The following PDE4D variants were observed in gnomAD, a reference collection of about 807,000 sequenced individuals.
PDE4D encodes the protein phosphodiesterase 4D, also known as 3',5'-cyclic-AMP phosphodiesterase 4D.
Under a neutral mutation model 87.4 loss-of-function variants are expected in PDE4D, and 24 were observed. The observed-to-expected ratio is 0.27, with a 90% CI of 0.20 to 0.39. The LOEUF is 0.39. Ranked by LOEUF, PDE4D falls within the 10% of genes least tolerant of loss-of-function variation. The pLI is 1.00. For missense variants in PDE4D, 714 were observed against 1,041.0 expected, an observed-to-expected ratio of 0.69 and a Z score of 4.32; for synonymous variants, 384 against 383.2, an observed-to-expected ratio of 1.00 and a Z score of -0.02.
chr5:60,520,767 C>T (rs909923418), intron 1 of PDE4D, among the ~76,000 whole-genome samples: 2 of 152,186 alleles, frequency 1.3e-5, no homozygotes, highest in African/African-American at 4.8e-5. Context: ...GCCCAGGAGG[C>T]CCCCTTGGAG....
intron 1 of PDE4D, among the ~76,000 whole-genome samples, chr5:59,746,485 G>A (rs1406864414): frequency 6.6e-6 from 1 of 152,088 alleles, no homozygotes; most frequent in African/African-American, 2.4e-5. Context: ...AGAGGAGTTT[G>A]TGCTTGTCTG....
At chr5:60,459,813 T>G in intron 1 of PDE4D, 1 of 528,454 alleles carries the variant, frequency 1.9e-6, no homozygotes, top group South Asian at 2.3e-5. Context: ...GGAGAAAAAT[T>G]TTTAAACAGG....
At chr5:59,325,946 G>C (rs981363177) in intron 1 of PDE4D, among the ~76,000 whole-genome samples, 22 of 152,170 alleles carry the variant, frequency 1.4e-4, no homozygotes, top group African/African-American at 5.3e-4. Flanking sequence ...CATAAAAAAT[G>C]ATGAGTTCAT....
At chr5:59,394,739 G>A (rs1024440637) in intron 1 of PDE4D, among the ~76,000 whole-genome samples, 6 of 152,096 alleles carry the variant, frequency 3.9e-5, no homozygotes, top group East Asian at 3.9e-4. Flanking sequence ...CAAGATGGCC[G>A]AATAGGAACA....
At chr5:60,035,492 CA>C (rs1562004804) in intron 2 of PDE4D, among the ~76,000 whole-genome samples, 1 of 152,128 alleles carries the variant, frequency 6.6e-6, no homozygotes, top group East Asian at 1.9e-4. Flanking sequence ...AACCAAGAGC[CA>C]AACTCTGTAT....
chr5:60,375,465 G>A (rs1761358860), intron 1 of PDE4D, among the ~76,000 whole-genome samples: 1 of 152,178 alleles, frequency 6.6e-6, no homozygotes, highest in Non-Finnish European at 1.5e-5. Flanking sequence ...AATGGGCATA[G>A]AAAGGTTCAG....
intron 1 of PDE4D, among the ~76,000 whole-genome samples, chr5:59,831,906 A>G (rs542023736): frequency 4.6e-5 from 7 of 152,184 alleles, no homozygotes; most frequent in Non-Finnish European, 7.4e-5. Flanking sequence ...ACTCAGCAAC[A>G]TAAGTCAGCA....
At chr5:59,895,465 G>A (rs975678239), upstream of PDE4D, among the ~76,000 whole-genome samples, 15 of 152,308 alleles carry the variant, frequency 9.8e-5, no homozygotes, top group Admixed American at 8.5e-4. Flanking sequence ...TCTCCACTGT[G>A]TAGGATTAAA....
intron 5 of PDE4D, among the ~76,000 whole-genome samples, chr5:59,160,965 G>C (rs546451694): frequency 6.6e-6 from 1 of 152,162 alleles, no homozygotes; most frequent in South Asian, 2.1e-4. Context: ...GCATGGTGAC[G>C]TGTGCCTGTA....
At chr5:59,727,032 A>C (rs1397415768) in intron 1 of PDE4D, among the ~76,000 whole-genome samples, 1 of 152,068 alleles carries the variant, frequency 6.6e-6, no homozygotes, top group Non-Finnish European at 1.5e-5. Context: ...GAGAAAGTCA[A>C]AACATACGAT....
intron 5 of PDE4D, among the ~76,000 whole-genome samples, chr5:59,073,012 A>G (rs1561434719): frequency 6.6e-6 from 1 of 152,260 alleles, no homozygotes. Flanking sequence ...TTACCAAAAT[A>G]AATACATTTA....
chr5:59,757,766 G>C (rs1761457884), intron 1 of PDE4D, among the ~76,000 whole-genome samples: 1 of 152,050 alleles, frequency 6.6e-6, no homozygotes, highest in Admixed American at 6.6e-5. Context: ...CTGAATGATT[G>C]ACTATAAAAT....
intron 2 of PDE4D, among the ~76,000 whole-genome samples, chr5:60,038,680 C>A (rs1768097683): frequency 6.6e-6 from 1 of 151,782 alleles, no homozygotes; most frequent in African/African-American, 2.4e-5. Flanking sequence ...TTGTCGCAAC[C>A]TACTCATCTG....
rs1444768310 is a variant in PDE4D at position 60,280,327 on chromosome 5, A to ATATATATATATATATATAT, written c.-89-94641_-89-94640insATATATATATATATATATA. 4.2e-5 allele frequency among the ~76,000 whole-genome samples: 6 copies of ATATATATATATATATATAT among 142,616 alleles called. No individual in the cohort carries two copies. The South Asian group carries it at 1.3e-3, about 31-fold the overall frequency. The allele number at this position is 142,616 out of a possible 152,430, so 93.6% of individuals were successfully genotyped here. ...CTATATACATACATATATATATATA[A>ATATATATATATATATATAT]ATATATATACACACATATATATAAA... On this transcript the variant is annotated intron_variant, in intron 1 of 16. Coordinates refer to the PDE4D transcript ENST00000502484.
rs142069985 is a variant in PDE4D, at chr5:60,097,230, G to A, written c.42+88327C>T. Among the ~76,000 whole-genome samples, 622 of 143,474 alleles carry A rather than the reference G, an allele frequency of 4.3e-3. 1 individual carries two copies. The highest frequency in any genetic ancestry group is 0.015 in the African/African-American group (595 of 39,590). 94.1% of individuals were successfully genotyped at this position (143,474 alleles called of 152,430 possible). A position where few individuals can be genotyped will look rare whatever the true frequency, so the allele number is the denominator to read the frequency against. ...AGAAAATGAGTGCTTTGCATTGGCC[G>A]TGTACCTAGATACTGCTCATTGGAT... On this transcript the variant is annotated intron_variant, in intron 2 of 16. Transcript: ENST00000502484.
chr5:59,329,566 T>C (rs1386931127), intron 1 of PDE4D, among the ~76,000 whole-genome samples: 2 of 152,172 alleles, frequency 1.3e-5, no homozygotes, highest in African/African-American at 4.8e-5. Flanking sequence ...CATAGTGTAA[T>C]GTCTAAAGGT....
At chr5:60,038,463 T>C (rs1562008628) in intron 2 of PDE4D, among the ~76,000 whole-genome samples, 1 of 152,236 alleles carries the variant, frequency 6.6e-6, no homozygotes, top group South Asian at 2.1e-4. Flanking sequence ...CTGAGGGCTC[T>C]GTTCTGTTCC....
At chr5:59,886,228 T>C (rs1414312189) in intron 1 of PDE4D, among the ~76,000 whole-genome samples, 2 of 152,110 alleles carry the variant, frequency 1.3e-5, no homozygotes, top group South Asian at 4.1e-4. Context: ...GTACAAATAA[T>C]ATACGAAAGC....
rs898747896 is a variant in PDE4D, at chr5:58,969,629, C to T, written c.*5035G>A. 1.3e-5 allele frequency: 2 copies of T among 152,148 alleles called. No individual in the cohort carries two copies. The highest frequency in any genetic ancestry group is 4.8e-5 in the African/African-American group (2 of 41,424). The allele number at this position is 152,148 out of a possible 1,614,324, so 9.4% of individuals were successfully genotyped here. A position where few individuals can be genotyped will look rare whatever the true frequency, so the allele number is the denominator to read the frequency against. On this transcript the variant is annotated 3_prime_UTR_variant, in exon 15 of 15. Coordinates refer to ENST00000340635, the MANE Select transcript of PDE4D (RefSeq NM_001104631.2). ...CACTGAGCTCCTTCATTGTACTGAT[C>T]ACATATATAATTATATGAGTATTGT...
Sources: gnomAD v4.1 joint callset for allele counts (sites outside exome capture counted in the v4.1 genomes callset) on GRCh38, gnomAD v4.1.1 for gene constraint, MANE v1.5 for transcripts, NCBI Gene and HGNC (gene_info 2026-07-23, HGNC 2026-07-21) for gene names.